FGF12: variants seen among roughly 807,000 people sequenced by gnomAD.
The protein encoded by FGF12 is fibroblast growth factor 12, also known as fibroblast growth factor 12B.
Under a neutral mutation model 23.6 loss-of-function variants are expected in FGF12, and 14 were observed. The observed-to-expected ratio is 0.59, with a 90% CI of 0.39 to 0.93. The LOEUF (loss-of-function observed/expected upper bound fraction) is 0.93, where lower values mean the gene tolerates loss of function less well. Among genes scored for constraint, FGF12 ranks in the 40% least tolerant of loss-of-function variants. The pLI is 0.00. For synonymous variants in FGF12, 62 were observed against 77.3 expected, an observed-to-expected ratio of 0.80 and a Z score of 1.04; for missense variants, 175 against 217.8, an observed-to-expected ratio of 0.80 and a Z score of 1.24.
At chr3:192,174,285 C>T (rs1224864359) in intron 4 of FGF12, among the ~76,000 whole-genome samples, 1 of 152,194 alleles carries the variant, frequency 6.6e-6, no homozygotes, top group Non-Finnish European at 1.5e-5. Context: ...AAGCTGGAGT[C>T]CTGGGGTCCT....
chr3:192,521,046 T>C (rs898710343), intron 2 of FGF12, among the ~76,000 whole-genome samples: 1 of 152,178 alleles, frequency 6.6e-6, no homozygotes, highest in African/African-American at 2.4e-5. Context: ...GGTCGAAAAG[T>C]ATGTGTATAG....
At chr3:192,569,265 C>G (rs1712484601) in intron 2 of FGF12, among the ~76,000 whole-genome samples, 1 of 152,158 alleles carries the variant, frequency 6.6e-6, no homozygotes, top group African/African-American at 2.4e-5. Context: ...GCTGAGGTAA[C>G]AAACAACCCT....
intron 2 of FGF12, among the ~76,000 whole-genome samples, chr3:192,386,242 C>A (rs1176126665): frequency 2.0e-5 from 3 of 152,210 alleles, no homozygotes; most frequent in African/African-American, 7.2e-5. Context: ...GTCTTGAACT[C>A]TCTTCTTGAT....
chr3:192,284,993 A>G (rs769924687), intron 4 of FGF12, among the ~76,000 whole-genome samples: 2 of 152,048 alleles, frequency 1.3e-5, no homozygotes, highest in African/African-American at 4.8e-5. Context: ...GTTAGGTTCC[A>G]CCAAGGTACA....
intron 2 of FGF12, among the ~76,000 whole-genome samples, chr3:192,511,222 TACACACACACACACACAC>T (rs5855433): frequency 1.3e-5 from 2 of 149,562 alleles, no homozygotes; most frequent in African/African-American, 4.9e-5. Context: ...CAATTGTGTG[TACACACACACACACACAC>T]ACACACACAC....
rs114041703 is a variant in FGF12, at chr3:192,435,995, G to A, written c.14-75457C>T. On this transcript the variant is annotated intron_variant, in intron 2 of 5. Coordinates refer to ENST00000445105, the MANE Select transcript of FGF12 (RefSeq NM_004113.6). ...TTTGAGGAAACCAACACACCACAGC[G>A]AATACGTCTACTTCTCTCAGTTAGC... Among the ~76,000 whole-genome samples, 552 of 152,284 alleles carry A rather than the reference G, an allele frequency of 3.6e-3. 3 individuals are homozygous for A. Among genetic ancestry groups the A allele is most frequent in the African/African-American group, 0.013 (529 of 41,554 alleles).
At chr3:192,228,834 C>T (rs1718870251) in intron 4 of FGF12, among the ~76,000 whole-genome samples, 1 of 152,070 alleles carries the variant, frequency 6.6e-6, no homozygotes, top group Admixed American at 6.5e-5. Context: ...TTATTCCGTA[C>T]AACTTTTAAT....
intron 5 of FGF12, 90 bp from the exon 6 acceptor site, chr3:192,144,217 ACT>A: frequency 1.4e-6 from 1 of 710,532 alleles, no homozygotes; most frequent in Non-Finnish European, 2.4e-6. Flanking sequence ...AATATTCTTC[ACT>A]CTCATCACAA....
intron 2 of FGF12, among the ~76,000 whole-genome samples, chr3:192,455,866 C>T (rs898462970): frequency 2.0e-5 from 3 of 152,182 alleles, no homozygotes; most frequent in African/African-American, 7.2e-5. Flanking sequence ...GTCCCTCAAA[C>T]ACAATTCCAC....
intron 2 of FGF12, among the ~76,000 whole-genome samples, chr3:192,455,430 G>T (rs376489524): frequency 5.9e-5 from 9 of 152,182 alleles, no homozygotes; most frequent in African/African-American, 2.2e-4. Context: ...TAGTTGCAAG[G>T]AAACTCTGCA....
intron 2 of FGF12, among the ~76,000 whole-genome samples, chr3:192,538,633 T>C (rs1008366739): frequency 4.6e-5 from 7 of 152,204 alleles, no homozygotes; most frequent in Admixed American, 3.3e-4. Context: ...TTTGCAGTTC[T>C]ATATAAATTT....
At chr3:192,158,391 C>CTT (rs1163929214) in intron 5 of FGF12, among the ~76,000 whole-genome samples, 3,642 of 76,732 alleles carry the variant, frequency 0.047, 128 homozygotes, top group South Asian at 0.076. Context: ...TCTTTTCTTT[C>CTT]TCTCTCTTTC....
At position 192,557,254 on chromosome 3, in the gene FGF12, C is replaced by A. The variant is rs1172576840; in HGVS notation, c.13+169927G>T. 2.6e-5 allele frequency among the ~76,000 whole-genome samples: 3 copies of A among 114,576 alleles called. No homozygotes were observed. The Admixed American group carries it at 2.7e-4, about 10-fold the overall frequency. The allele number at this position is 114,576 out of a possible 152,430, so 75.2% of individuals were successfully genotyped here. A position where few individuals can be genotyped will look rare whatever the true frequency, so the allele number is the denominator to read the frequency against. On this transcript the variant is annotated intron_variant, in intron 2 of 5. Coordinates refer to ENST00000445105, the MANE Select transcript of FGF12 (RefSeq NM_004113.6). ...TAGAAAAACAATAGAAAGAAATCAACAAAATTAAGAATTTTTTTTTGAAAA... is the reference window on the plus strand; with the variant it reads ...TAGAAAAACAATAGAAAGAAATCAAAAAAATTAAGAATTTTTTTTTGAAAA...
At chr3:192,251,513 A>G (rs1712012004) in intron 4 of FGF12, among the ~76,000 whole-genome samples, 1 of 152,210 alleles carries the variant, frequency 6.6e-6, no homozygotes, top group East Asian at 1.9e-4. Flanking sequence ...ATGACTGTAC[A>G]TGTCCACCAA....
In FGF12 at chr3:192,336,706, C is replaced by T. The variant is rs1717434095; in HGVS notation, c.125-1242G>A. ...TTCTTAGTTTTTAATACAAGATACA[C>T]ATAAATTAACCCAAGGGCTACCATT... On this transcript the variant is annotated intron_variant, in intron 3 of 5. Coordinates refer to ENST00000445105, the MANE Select transcript of FGF12 (RefSeq NM_004113.6). The surrounding 1 kb of genome is among the most constrained non-coding windows in gnomAD (Gnocchi z 4.3). Among the ~76,000 whole-genome samples the T allele has an allele frequency of 6.6e-6, 1 of 152,098 alleles. No homozygotes were observed. Among genetic ancestry groups the T allele is most frequent in the Non-Finnish European group, 1.5e-5 (1 of 67,996 alleles).
chr3:192,582,157 C>T (rs1379097022), intron 2 of FGF12, among the ~76,000 whole-genome samples: 1 of 151,828 alleles, frequency 6.6e-6, no homozygotes, highest in Non-Finnish European at 1.5e-5. Flanking sequence ...TAAATTATGG[C>T]AGCTTTAAAA....
Position 192,408,648 on chromosome 3 carries a change from C to A in FGF12, c.14-48110G>T. On this transcript the variant is annotated intron_variant, in intron 2 of 5. Transcript: ENST00000445105. The surrounding 1 kb of genome is among the most constrained non-coding windows in gnomAD (Gnocchi z 7.3). ...CGTGCCTCTGTTGGAGAGGCGCAAG[C>A]GTTGTAAGGTGTCCAAAGTATACCT... The A allele has an allele frequency of 9.7e-7, 1 of 1,029,738 alleles. No homozygotes were observed. Among genetic ancestry groups the A allele is most frequent in the Non-Finnish European group, 1.2e-6 (1 of 857,552 alleles). The allele number at this position is 1,029,738 out of a possible 1,614,324, so 63.8% of individuals were successfully genotyped here.
chr3:192,167,731 G>GTGTATATATATATATATATATA (rs1461525196), intron 5 of FGF12, among the ~76,000 whole-genome samples: 1 of 25,044 alleles, frequency 4.0e-5, no homozygotes, highest in Admixed American at 7.6e-4. Context: ...TAGGTTATAG[G>GTGTATATATATATATATATATA]TATATATATA....
intron 2 of FGF12, among the ~76,000 whole-genome samples, chr3:192,528,236 A>G (rs12493530): frequency 0.71 from 108,288 of 152,104 alleles, 39,311 homozygotes; most frequent in East Asian, 0.96. Flanking sequence ...AGATACAATG[A>G]GGGTTCAAGC....
Sources: allele counts gnomAD v4.1 joint callset (sites outside exome capture counted in the v4.1 genomes callset), GRCh38; gene constraint gnomAD v4.1.1; non-coding constraint Gnocchi (gnomAD v3.1); transcripts MANE v1.5; gene names NCBI Gene and HGNC (gene_info 2026-07-23, HGNC 2026-07-21).